Variants in PRMT8 observed in about 807,000 individuals in gnomAD.
PRMT8 encodes protein arginine N-methyltransferase 8.
A neutral mutation model predicts 47.1 loss-of-function variants in PRMT8; 7 were observed. That is an observed-to-expected ratio of 0.15 (90% CI 0.08 to 0.28). The LOEUF (loss-of-function observed/expected upper bound fraction) is 0.28. PRMT8 is among the 10% of genes least tolerant of loss of function. The pLI is 1.00. For missense variants in PRMT8, 237 were observed against 505.4 expected, an observed-to-expected ratio of 0.47 and a Z score of 5.09; for synonymous variants, 188 against 186.5, an observed-to-expected ratio of 1.01 and a Z score of -0.07.
At chr12:3,581,791 G>T (rs973190309) in intron 7 of PRMT8, among the ~76,000 whole-genome samples, 1 of 152,168 alleles carries the variant, frequency 6.6e-6, no homozygotes, top group African/African-American at 2.4e-5. Context: ...CAGATCCTAG[G>T]AGGACTCTGA....
intron 1 of PRMT8, among the ~76,000 whole-genome samples, chr12:3,524,842 G>A (rs191816531): frequency 2.6e-4 from 40 of 152,272 alleles, no homozygotes; most frequent in African/African-American, 9.4e-4. Flanking sequence ...ATCATTGAAA[G>A]TCTCGCTTTC....
Position 3,568,823 on chromosome 12 carries a change from T to C in PRMT8, c.599T>C (p.Val200Ala). 1 of 1,614,194 alleles carries C rather than the reference T, an allele frequency of 6.2e-7. No individual in the cohort carries two copies. Among genetic ancestry groups the C allele is most frequent in the Non-Finnish European group, 8.5e-7 (1 of 1,180,026 alleles). Reference sequence around the variant, plus strand: ...TTCTATGAGTCCATGCTCAACACGGTGATCTTTGCCAGGGACAAGTGGCTG... The same window carrying C: ...TTCTATGAGTCCATGCTCAACACGGCGATCTTTGCCAGGGACAAGTGGCTG... ...CLFYESMLNT[V>A]IFARDKWLKP... The change falls in exon 5 of 10, where the codon GTG (valine) becomes GCG (alanine). Residue 200 changes from valine to alanine, a missense_variant. Physicochemically the swap from Val to Ala is moderately conservative, Grantham distance 64 (BLOSUM62 0). Around this residue, in one of 5 missense-constraint regions of PRMT8, gnomAD observed 151 missense variants for 341.1 expected, o/e 0.44. Coordinates refer to ENST00000382622, the MANE Select transcript of PRMT8 (RefSeq NM_019854.5).
chr12:3,436,456 A>G lies in PRMT8; in HGVS notation c.48+55014A>G, dbSNP rs1864741759. Among the ~76,000 whole-genome samples the G allele has an allele frequency of 6.6e-6, 1 of 152,070 alleles. No individual in the cohort carries two copies. The stretch of plus-strand genomic sequence containing the variant: ...TAAAATTCTGGTTTTATCCCTCAGA[A>G]CCCAGGTAGCTGCTTTCTTTCTTTC... On this transcript the variant is annotated intron_variant, in intron 1 of 9. Transcript: ENST00000452611. The surrounding 1 kb of genome is among the most constrained non-coding windows in gnomAD (Gnocchi z 4.2).
chr12:3,584,795 C>T (rs1455114540), intron 8 of PRMT8, among the ~76,000 whole-genome samples: 3 of 152,142 alleles, frequency 2.0e-5, no homozygotes, highest in African/African-American at 4.8e-5. Flanking sequence ...AAATAGTACA[C>T]AGAGTTGTGT....
At chr12:3,480,420 T>C (rs1010173411) in intron 1 of PRMT8, among the ~76,000 whole-genome samples, 8 of 152,144 alleles carry the variant, frequency 5.3e-5, no homozygotes, top group Admixed American at 4.6e-4. Flanking sequence ...AATCTTAGAA[T>C]GGAAGAGTTG....
At chr12:3,459,982 C>T (rs548240636) in intron 1 of PRMT8, among the ~76,000 whole-genome samples, 11 of 152,242 alleles carry the variant, frequency 7.2e-5, no homozygotes, top group Middle Eastern at 3.2e-3. Flanking sequence ...ACCACACCGT[C>T]ATTCACTTCA....
chr12:3,421,203 G>T (rs188149339), intron 1 of PRMT8, among the ~76,000 whole-genome samples: 239 of 152,350 alleles, frequency 1.6e-3, no homozygotes, highest in Middle Eastern at 6.8e-3. Context: ...TCGAGGAGCA[G>T]ACATTTATTT....
chr12:3,435,574 T>G (rs973249994), intron 1 of PRMT8, among the ~76,000 whole-genome samples: 37 of 149,346 alleles, frequency 2.5e-4, no homozygotes, highest in African/African-American at 8.2e-4. Context: ...CAGGCTGGAG[T>G]GCAGTGGCGC....
intron 1 of PRMT8, among the ~76,000 whole-genome samples, chr12:3,521,045 G>T (rs1046018834): frequency 2.6e-5 from 4 of 152,208 alleles, no homozygotes; most frequent in African/African-American, 7.2e-5. Flanking sequence ...GGAGGAAGAA[G>T]TTAAACTCCG....
At chr12:3,397,573 G>C (rs975107257) in intron 1 of PRMT8, among the ~76,000 whole-genome samples, 2 of 151,682 alleles carry the variant, frequency 1.3e-5, no homozygotes, top group Non-Finnish European at 2.9e-5. Flanking sequence ...CCCGTTCTCA[G>C]ATCTCCAGCT....
intron 1 of PRMT8, among the ~76,000 whole-genome samples, chr12:3,477,189 G>A (rs1189260848): frequency 6.6e-6 from 1 of 152,192 alleles, no homozygotes; most frequent in Non-Finnish European, 1.5e-5. Context: ...CTGTTTCCTG[G>A]TCATTCTCCA....
intron 1 of PRMT8, among the ~76,000 whole-genome samples, chr12:3,527,717 GA>G (rs1865968611): frequency 6.6e-6 from 1 of 152,002 alleles, no homozygotes; most frequent in Non-Finnish European, 1.5e-5. Context: ...TAAATAATAA[GA>G]AAAAAAGCCT....
rs1565427798 is a variant in PRMT8, at chr12:3,514,673, T to TGGGCGACAGGAGCACCAGTGGGA, written c.75+22978_75+23000dup. ...GACCTTTCCGGCTGGGTTCTGCCTG[T>TGGGCGACAGGAGCACCAGTGGGA]GGGCGACAGGAGCACCAGTGGGAGG... On this transcript the variant is annotated intron_variant, in intron 1 of 9. Coordinates refer to ENST00000382622, the MANE Select transcript of PRMT8 (RefSeq NM_019854.5). This position sits in a 1 kb window ranked among gnomAD's most constrained non-coding sequence, Gnocchi z 5.9. 7.1e-6 allele frequency among the ~76,000 whole-genome samples: 1 copy of TGGGCGACAGGAGCACCAGTGGGA among 141,718 alleles called. No homozygotes were observed. The allele number at this position is 141,718 out of a possible 152,430, so 93.0% of individuals were successfully genotyped here. A position where few individuals can be genotyped will look rare whatever the true frequency, so the allele number is the denominator to read the frequency against.
intron 1 of PRMT8, among the ~76,000 whole-genome samples, chr12:3,506,576 T>G (rs1342288871): frequency 2.0e-5 from 3 of 152,180 alleles, no homozygotes; most frequent in African/African-American, 7.2e-5. Flanking sequence ...ACCCACAGGC[T>G]GCCTACCGCA....
Position 3,554,949 on chromosome 12 carries a change from G to A in PRMT8, c.481+1235G>A, listed in dbSNP as rs112279731. Among the ~76,000 whole-genome samples, 453 of 152,274 alleles carry A rather than the reference G, an allele frequency of 3.0e-3. 5 individuals are homozygous for A. The highest frequency in any genetic ancestry group is 0.01 in the African/African-American group (422 of 41,550). ...TGACCTGAGTCCCCAGGCCCAGGTG[G>A]TACCTGCCTGCACACAACACTACAA... On this transcript the variant is annotated intron_variant, in intron 4 of 9. Transcript: ENST00000382622.
At chr12:3,478,099 G>A (rs1865233143) in intron 1 of PRMT8, among the ~76,000 whole-genome samples, 1 of 152,146 alleles carries the variant, frequency 6.6e-6, no homozygotes, top group Non-Finnish European at 1.5e-5. Flanking sequence ...GCCCAGGAAA[G>A]GTTTGGAAAC....
chr12:3,468,117 T>C (rs1265486424), intron 1 of PRMT8, among the ~76,000 whole-genome samples: 1 of 152,194 alleles, frequency 6.6e-6, no homozygotes, highest in African/African-American at 2.4e-5. Flanking sequence ...AAAGAGGGCC[T>C]TCGAAAGAAC....
In PRMT8 at chr12:3,552,638, C is replaced by T; in HGVS notation, c.418-1013C>T. On this transcript the variant is annotated intron_variant, in intron 3 of 9. Transcript: ENST00000382622. The surrounding 1 kb of genome is among the most constrained non-coding windows in gnomAD (Gnocchi z 4.5). ...AAAGGGCTGGTTCTCCTGGGACCTG[C>T]ACCCTGGCTGGAGTCGGCCTCCTTG... 2.3e-6 allele frequency: 1 copy of T among 436,342 alleles called. No individual in the cohort carries two copies. Among genetic ancestry groups the T allele is most frequent in the South Asian group, 1.6e-5 (1 of 61,094 alleles). 27.0% of individuals were successfully genotyped at this position (436,342 alleles called of 1,614,324 possible).
intron 8 of PRMT8, 31 bp from the exon 9 acceptor site, chr12:3,592,200 T>G: frequency 6.5e-7 from 1 of 1,539,516 alleles, no homozygotes; most frequent in East Asian, 2.5e-5. Context: ...TGACTCTTTC[T>G]TCCCACCTCC....
Sources: gnomAD v4.1 joint callset for allele counts (sites outside exome capture counted in the v4.1 genomes callset) on GRCh38, gnomAD v4.1.1 for gene constraint, gnomAD v4.1.1 regional missense constraint, Gnocchi (gnomAD v3.1) non-coding constraint, MANE v1.5 for transcripts, NCBI Gene and HGNC (gene_info 2026-07-23, HGNC 2026-07-21) for gene names.